THRB: variants seen among roughly 807,000 people sequenced by gnomAD.
The protein encoded by THRB is nuclear receptor subfamily 1 group A member 2.
THRB carries 12 observed loss-of-function variants against 47.8 expected under a neutral mutation model. That is an observed-to-expected ratio of 0.25 (90% CI 0.16 to 0.41). The LOEUF (loss-of-function observed/expected upper bound fraction) is 0.41. THRB is among the 10% of genes least tolerant of loss of function. The pLI, the probability that THRB is intolerant of heterozygous loss-of-function variation, is 1.00. For missense variants in THRB, 348 were observed against 589.2 expected, an observed-to-expected ratio of 0.59 and a Z score of 4.24; for synonymous variants, 218 against 212.2, an observed-to-expected ratio of 1.03 and a Z score of -0.24.
At chr3:24,152,972 AAG>A (rs1392753942) in intron 5 of THRB, among the ~76,000 whole-genome samples, 10 of 5,614 alleles carry the variant, frequency 1.8e-3, no homozygotes, top group African/African-American at 3.1e-3. Flanking sequence ...AAAAAAAAAA[AAG>A]AAAGAAAGAA....
intron 5 of THRB, among the ~76,000 whole-genome samples, chr3:24,181,430 C>G (rs2041883638): frequency 6.6e-6 from 1 of 152,220 alleles, no homozygotes; most frequent in Non-Finnish European, 1.5e-5. Flanking sequence ...AAACATTCTC[C>G]TATGTGTTTA....
intron 5 of THRB, among the ~76,000 whole-genome samples, chr3:24,177,349 C>T (rs1387335507): frequency 1.3e-5 from 2 of 152,198 alleles, no homozygotes; most frequent in Admixed American, 6.5e-5. Flanking sequence ...CAAGCCTAGA[C>T]TCGAAGCTCT....
intron 3 of THRB, among the ~76,000 whole-genome samples, chr3:24,285,437 T>A (rs1206177015): frequency 2.2e-4 from 15 of 66,844 alleles, no homozygotes; most frequent in Admixed American, 6.6e-4. Flanking sequence ...TGTTGTGGGG[T>A]GGGGGGAGGG....
chr3:24,279,997 G>C (rs1039760979), intron 3 of THRB, among the ~76,000 whole-genome samples: 1 of 152,148 alleles, frequency 6.6e-6, no homozygotes, highest in Non-Finnish European at 1.5e-5. Flanking sequence ...GACTTCACCA[G>C]ATAGTTAATA....
At chr3:24,326,754 G>GTTTTTTTTTTT (rs1300726453) in intron 2 of THRB, among the ~76,000 whole-genome samples, 15 of 58,932 alleles carry the variant, frequency 2.5e-4, no homozygotes, top group Admixed American at 4.7e-4. Context: ...GTCCAGTCTT[G>GTTTTTTTTTTT]TCTTTTTTTT....
intron 4 of THRB, among the ~76,000 whole-genome samples, chr3:24,210,610 C>G (rs540957553): frequency 5.9e-5 from 9 of 152,258 alleles, no homozygotes; most frequent in Admixed American, 2.6e-4. Context: ...GACTGAGAAA[C>G]TGTGAGGTTA....
chr3:24,410,342 T>C (rs1371992785), intron 1 of THRB, among the ~76,000 whole-genome samples: 2 of 151,830 alleles, frequency 1.3e-5, no homozygotes, highest in Non-Finnish European at 2.9e-5. Context: ...TGGGTCTCCA[T>C]TGAATTCCAT....
At chr3:24,244,586 T>C (rs1489303468) in intron 3 of THRB, among the ~76,000 whole-genome samples, 1 of 152,194 alleles carries the variant, frequency 6.6e-6, no homozygotes, top group Non-Finnish European at 1.5e-5. Context: ...AGGTCAGTTT[T>C]GGAAAACAAG....
chr3:24,312,919 T>G (rs985295811), intron 2 of THRB, among the ~76,000 whole-genome samples: 1 of 152,148 alleles, frequency 6.6e-6, no homozygotes, highest in Non-Finnish European at 1.5e-5. Context: ...GACCAGTTAA[T>G]AGATCATTGA....
chr3:24,272,422 G>GC (rs1559791737), intron 3 of THRB, among the ~76,000 whole-genome samples: 1 of 151,758 alleles, frequency 6.6e-6, no homozygotes. Flanking sequence ...CCCTCTCAAA[G>GC]CCCCCCAGAA....
intron 3 of THRB, among the ~76,000 whole-genome samples, chr3:24,266,783 C>T (rs898887137): frequency 6.6e-6 from 1 of 151,982 alleles, no homozygotes; most frequent in African/African-American, 2.4e-5. Flanking sequence ...AAAAATTCAC[C>T]CATACTCTAG....
intron 10 of THRB, among the ~76,000 whole-genome samples, chr3:24,124,795 A>G (rs2032413667): frequency 6.6e-6 from 1 of 152,260 alleles, no homozygotes. Context: ...GGGGCTTAGA[A>G]CATCAGGCCC....
At chr3:24,281,607 A>G (rs530734436) in intron 3 of THRB, among the ~76,000 whole-genome samples, 3 of 113,382 alleles carry the variant, frequency 2.6e-5, no homozygotes, top group East Asian at 2.9e-4. Context: ...ATGTAAATGG[A>G]CTAAATGCTC....
chr3:24,353,371 G>T (rs1391344837), intron 1 of THRB, among the ~76,000 whole-genome samples: 2 of 152,040 alleles, frequency 1.3e-5, no homozygotes, highest in Non-Finnish European at 2.9e-5. Context: ...GCTGGCTACA[G>T]GCAAAACTGA....
chr3:24,254,756 T>C (rs940885429), intron 3 of THRB, among the ~76,000 whole-genome samples: 1 of 152,242 alleles, frequency 6.6e-6, no homozygotes. Flanking sequence ...TTGGAATGCA[T>C]ATACCCAAAC....
At chr3:24,259,210 CAA>C (rs2051659056) in intron 3 of THRB, among the ~76,000 whole-genome samples, 1 of 152,106 alleles carries the variant, frequency 6.6e-6, no homozygotes, top group Non-Finnish European at 1.5e-5. Context: ...TGTTCCTACA[CAA>C]AGACAAGCTG....
At chr3:24,131,424 T>A (rs114858483) in intron 9 of THRB, among the ~76,000 whole-genome samples, 1,661 of 152,282 alleles carry the variant, frequency 0.011, 13 homozygotes, top group Non-Finnish European at 0.016. Flanking sequence ...CACAGAGATA[T>A]AAGTCAAAGT....
intron 1 of THRB, among the ~76,000 whole-genome samples, chr3:24,438,536 T>TGTGTGTGTGTGC (rs966247174): frequency 8.6e-5 from 13 of 150,950 alleles, no homozygotes; most frequent in South Asian, 2.1e-4. Context: ...TGTGTGTGTG[T>TGTGTGTGTGTGC]GCACATGCAT....
chr3:24,274,411 T>C (rs1015919987), intron 3 of THRB, among the ~76,000 whole-genome samples: 2 of 152,174 alleles, frequency 1.3e-5, no homozygotes, highest in Non-Finnish European at 2.9e-5. Context: ...AGCCTATAGA[T>C]TCATTTGTGT....
Sources: allele counts gnomAD v4.1 joint callset (sites outside exome capture counted in the v4.1 genomes callset), GRCh38; gene constraint gnomAD v4.1.1; transcripts MANE v1.5; gene names NCBI Gene and HGNC (gene_info 2026-07-23, HGNC 2026-07-21).